GRID2: variants seen among roughly 807,000 people sequenced by gnomAD.
GRID2 encodes the protein glutamate receptor ionotropic, delta-2.
Under a neutral mutation model 114.8 loss-of-function variants are expected in GRID2, and 33 were observed. That is an observed-to-expected ratio of 0.29 (90% CI 0.22 to 0.38). GRID2 has a LOEUF of 0.38. GRID2 is among the 10% of genes least tolerant of loss of function. The probability of loss-of-function intolerance (pLI) is 1.00; values close to 1 mark genes in which losing one functional copy is unlikely to be tolerated. For missense variants in GRID2, 1,184 were observed against 1,257.7 expected (o/e 0.94, Z 0.89); for synonymous variants, 505 against 449.9 (o/e 1.12, Z -1.55).
chr4:93,186,222 T>C (rs1354294633), intron 4 of GRID2, among the ~76,000 whole-genome samples: 1 of 152,198 alleles, frequency 6.6e-6, no homozygotes, highest in Admixed American at 6.5e-5. Flanking sequence ...CATGCGTCTT[T>C]ATAGTAGCAT....
chr4:93,073,549 T>C (rs1728997474), intron 2 of GRID2, among the ~76,000 whole-genome samples: 1 of 152,156 alleles, frequency 6.6e-6, no homozygotes, highest in Non-Finnish European at 1.5e-5. Context: ...GTGGATTTTT[T>C]ACTGTGGGGG....
intron 4 of GRID2, among the ~76,000 whole-genome samples, chr4:93,197,514 T>C (rs1459533350): frequency 6.6e-6 from 1 of 152,144 alleles, no homozygotes; most frequent in Non-Finnish European, 1.5e-5. Context: ...TAGCTTATAC[T>C]ATTATTATTA....
chr4:92,494,933 G>C (rs950855375), intron 1 of GRID2, among the ~76,000 whole-genome samples: 1 of 151,910 alleles, frequency 6.6e-6, no homozygotes, highest in Non-Finnish European at 1.5e-5. Flanking sequence ...AAATTATGCA[G>C]TGAATTTCTA....
intron 1 of GRID2, among the ~76,000 whole-genome samples, chr4:92,574,738 C>G (rs974048682): frequency 3.3e-5 from 5 of 152,092 alleles, no homozygotes; most frequent in Non-Finnish European, 7.3e-5. Context: ...CGTTTTCTCT[C>G]TAGCTGCTCT....
rs79408252 is a variant in GRID2, at chr4:93,048,013, G to A, written c.245-36982G>A. Among the ~76,000 whole-genome samples the A allele has an allele frequency of 2.1e-3, 314 of 152,160 alleles. No homozygotes were observed. In the East Asian group the frequency reaches 0.022, roughly 11 times the overall value. On this transcript the variant is annotated intron_variant, in intron 2 of 15. Transcript: ENST00000282020. ...GAAATGGAGTATATTTTTGGAAACT[G>A]GAAATTAAAATCACAAAGTATATTG...
At chr4:93,154,889 G>T (rs761478950) in intron 4 of GRID2, among the ~76,000 whole-genome samples, 2 of 151,866 alleles carry the variant, frequency 1.3e-5, no homozygotes, top group African/African-American at 4.8e-5. Context: ...ATAATTATCT[G>T]TAAGGGTTCT....
At chr4:92,741,026 G>A (rs1736871880) in intron 2 of GRID2, among the ~76,000 whole-genome samples, 1 of 152,114 alleles carries the variant, frequency 6.6e-6, no homozygotes, top group South Asian at 2.1e-4. Flanking sequence ...TTATAGGCAT[G>A]AGTCACCATG....
intron 1 of GRID2, among the ~76,000 whole-genome samples, chr4:92,398,890 A>G (rs1354580526): frequency 1.3e-5 from 2 of 152,240 alleles, no homozygotes; most frequent in Non-Finnish European, 2.9e-5. Flanking sequence ...GAGCTGCCTC[A>G]CACTGTTAAA....
At chr4:92,883,358 G>A (rs1746149742) in intron 2 of GRID2, among the ~76,000 whole-genome samples, 1 of 152,068 alleles carries the variant, frequency 6.6e-6, no homozygotes, top group Non-Finnish European at 1.5e-5. Context: ...TTTCTCCACT[G>A]AAGTCTTGAA....
intron 2 of GRID2, among the ~76,000 whole-genome samples, chr4:92,774,350 T>G (rs1420813912): frequency 6.6e-6 from 1 of 152,116 alleles, no homozygotes; most frequent in Non-Finnish European, 1.5e-5. Context: ...ATATGAAACC[T>G]TGTAAGATAT....
intron 2 of GRID2, among the ~76,000 whole-genome samples, chr4:92,975,658 A>G (rs1753826826): frequency 6.6e-6 from 1 of 152,086 alleles, no homozygotes; most frequent in Non-Finnish European, 1.5e-5. Flanking sequence ...TTTACAATCA[A>G]TGATTAGACT....
At chr4:92,850,015 T>C (rs1356188944) in intron 2 of GRID2, among the ~76,000 whole-genome samples, 1 of 151,412 alleles carries the variant, frequency 6.6e-6, no homozygotes, top group Non-Finnish European at 1.5e-5. Flanking sequence ...TAAATATCTT[T>C]AAAACAATTA....
At chr4:93,192,988 C>T (rs780850029) in intron 4 of GRID2, among the ~76,000 whole-genome samples, 1 of 152,186 alleles carries the variant, frequency 6.6e-6, no homozygotes, top group East Asian at 1.9e-4. Context: ...AAAACAACAA[C>T]AAAAAGATCA....
At position 93,395,724 on chromosome 4, in the gene GRID2, G is replaced by A. The variant is rs776172222; in HGVS notation, c.1347+16G>A. ...AACTGTTCTGGTAAGTATTATCTGA[G>A]CCTCGTGGTTTTGACTTTTGGAGGT... On this transcript the variant is annotated intron_variant, in intron 9 of 15. Transcript: ENST00000282020. The A allele has an allele frequency of 4.3e-6, 5 of 1,164,294 alleles. No homozygotes were observed. The highest frequency in any genetic ancestry group is 5.1e-6 in the Non-Finnish European group (4 of 777,164). 72.1% of individuals were successfully genotyped at this position (1,164,294 alleles called of 1,614,324 possible). A position where few individuals can be genotyped will look rare whatever the true frequency, so the allele number is the denominator to read the frequency against.
intron 4 of GRID2, among the ~76,000 whole-genome samples, chr4:93,202,351 AT>A (rs1325427862): frequency 2.0e-5 from 3 of 152,184 alleles, no homozygotes; most frequent in Non-Finnish European, 4.4e-5. Flanking sequence ...CCAAACAACT[AT>A]AATAATGATG....
chr4:92,411,645 G>GTATATATATA (rs1390740726), intron 1 of GRID2, among the ~76,000 whole-genome samples: 18 of 92,834 alleles, frequency 1.9e-4, no homozygotes, highest in Non-Finnish European at 3.7e-4. Context: ...GTGTGTGTGT[G>GTATATATATA]TGTGTGTGTG....
intron 8 of GRID2, among the ~76,000 whole-genome samples, chr4:93,351,152 G>A (rs779044921): frequency 6.6e-6 from 1 of 152,032 alleles, no homozygotes. Context: ...GGTGAGATTT[G>A]GGTGGGGACA....
At chr4:93,071,790 G>A (rs2149305826) in intron 2 of GRID2, among the ~76,000 whole-genome samples, 1 of 152,276 alleles carries the variant, frequency 6.6e-6, no homozygotes, top group South Asian at 2.1e-4. Context: ...GAGTTCTCAT[G>A]AAGAGTTATG....
At chr4:92,657,421 C>T (rs1732297163) in intron 2 of GRID2, among the ~76,000 whole-genome samples, 1 of 151,378 alleles carries the variant, frequency 6.6e-6, no homozygotes, top group Non-Finnish European at 1.5e-5. Flanking sequence ...TTCTGTTACA[C>T]CAAATATGCG....
Sources: allele counts gnomAD v4.1 joint callset (sites outside exome capture counted in the v4.1 genomes callset), GRCh38; gene constraint gnomAD v4.1.1; transcripts MANE v1.5; gene names NCBI Gene and HGNC (gene_info 2026-07-23, HGNC 2026-07-21).